Variants in RIOK3 observed in about 807,000 individuals in gnomAD.
RIOK3 encodes the protein RIO kinase 3.
In RIOK3, 40 loss-of-function variants were observed where a neutral mutation model predicts 63.5. The ratio of observed to expected loss-of-function variants is 0.63; its 90% confidence interval spans 0.49 to 0.82. The LOEUF (loss-of-function observed/expected upper bound fraction) is 0.82, where lower values mean the gene tolerates loss of function less well. Ranked by LOEUF, RIOK3 falls within the 40% of genes least tolerant of loss-of-function variation. The pLI, the probability that RIOK3 is intolerant of heterozygous loss-of-function variation, is 0.00. For synonymous variants in RIOK3, 193 were observed against 205.0 expected (o/e 0.94, Z 0.50); for missense variants, 557 against 637.0 (o/e 0.87, Z 1.35).
intron 1 of RIOK3, among the ~76,000 whole-genome samples, chr18:23,459,943 C>T (rs2057364011): frequency 6.6e-6 from 1 of 152,206 alleles, no homozygotes; most frequent in Non-Finnish European, 1.5e-5. Context: ...ATTCGCCTGC[C>T]TCGGCCTCTC....
rs760617642 is a variant in RIOK3, at chr18:23,453,437, C to T, written c.-3C>T. 3.1e-6 allele frequency: 5 copies of T among 1,613,240 alleles called. No homozygotes were observed. The highest frequency in any genetic ancestry group is 1.7e-6 in the Non-Finnish European group (2 of 1,179,378). ...CTGTTCTTGTCTCTGCCTTCATTCCCGAATGGATCTGGTAGGAGTGGCATC... is the reference window on the plus strand; with the variant it reads ...CTGTTCTTGTCTCTGCCTTCATTCCTGAATGGATCTGGTAGGAGTGGCATC... On this transcript the variant is annotated 5_prime_UTR_variant, in exon 1 of 13. Transcript: ENST00000339486.
chr18:23,478,179 G>A (rs2057506295), intron 11 of RIOK3, among the ~76,000 whole-genome samples: 1 of 152,112 alleles, frequency 6.6e-6, no homozygotes. Flanking sequence ...AACAGAAGCT[G>A]GTGTGCCTGT....
chr18:23,453,553 C>A, intron 1 of RIOK3, 51 bp downstream of exon 1: 1 of 1,461,660 alleles, frequency 6.8e-7, no homozygotes, highest in South Asian at 1.1e-5. Flanking sequence ...CGGGCTGGAT[C>A]TCTCGGAAAG....
chr18:23,455,633 C>T (rs1177462405), intron 1 of RIOK3, among the ~76,000 whole-genome samples: 1 of 151,710 alleles, frequency 6.6e-6, no homozygotes, highest in African/African-American at 2.4e-5. Context: ...CCTCGTGATC[C>T]GCCCACCTTG....
rs1598819541 is a variant in RIOK3 at position 23,481,379 on chromosome 18, G to A, written c.*100G>A. On this transcript the variant is annotated 3_prime_UTR_variant, in exon 13 of 13. Transcript: ENST00000339486. The stretch of plus-strand genomic sequence containing the variant: ...CTTGAAATACCAAAACCTGAGGAGT[G>A]GGCAATGGTGCTTCTGTGCTTTTCC... The A allele has an allele frequency of 1.5e-6, 1 of 685,570 alleles. No individual in the cohort carries two copies. Among genetic ancestry groups the A allele is most frequent in the East Asian group, 2.9e-5 (1 of 34,796 alleles). 42.5% of individuals were successfully genotyped at this position (685,570 alleles called of 1,614,324 possible).
At position 23,466,291 on chromosome 18, in the gene RIOK3, A is replaced by T. The variant is rs77839268; in HGVS notation, c.687+15A>T. 7.4e-7 allele frequency: 1 copy of T among 1,345,538 alleles called. No individual in the cohort carries two copies. Among genetic ancestry groups the T allele is most frequent in the Non-Finnish European group, 1.0e-6 (1 of 996,028 alleles). The allele number at this position is 1,345,538 out of a possible 1,614,324, so 83.3% of individuals were successfully genotyped here. A position where few individuals can be genotyped will look rare whatever the true frequency, so the allele number is the denominator to read the frequency against. On this transcript the variant is annotated intron_variant, in intron 6 of 12. Transcript: ENST00000339486. ...ATTCTACAGCAGTAAGGATTTATAGATTTTTTTTTTTCTTTTTTACTAGAA... is the reference window on the plus strand; with the variant it reads ...ATTCTACAGCAGTAAGGATTTATAGTTTTTTTTTTTTCTTTTTTACTAGAA...
intron 12 of RIOK3, among the ~76,000 whole-genome samples, chr18:23,480,663 A>T (rs980405223): frequency 4.7e-4 from 72 of 152,216 alleles, no homozygotes; most frequent in African/African-American, 1.7e-3. Flanking sequence ...TTACTGGCTC[A>T]GCCAGGCATG....
chr18:23,469,316 T>TCC, intron 7 of RIOK3, among the ~76,000 whole-genome samples: 1 of 27,074 alleles, frequency 3.7e-5, no homozygotes, highest in Non-Finnish European at 6.8e-5. Context: ...TCTCTCTCTC[T>TCC]CTCTCTCTCT....
intron 7 of RIOK3, among the ~76,000 whole-genome samples, chr18:23,467,761 CGT>C: frequency 6.9e-6 from 1 of 144,918 alleles, no homozygotes; most frequent in African/African-American, 2.7e-5. Flanking sequence ...TTTTTCAATG[CGT>C]ATATTATTAT....
At chr18:23,479,241 G>A (rs993920747) in intron 11 of RIOK3, 76 bp from the exon 12 acceptor site, 14 of 873,150 alleles carry the variant, frequency 1.6e-5, no homozygotes, top group Admixed American at 5.5e-5. Context: ...TTTTATAAAT[G>A]TGCTGCTCCC....
At chr18:23,466,583 G>C (rs1432083479) in intron 6 of RIOK3, among the ~76,000 whole-genome samples, 2 of 151,484 alleles carry the variant, frequency 1.3e-5, no homozygotes, top group Non-Finnish European at 2.9e-5. Flanking sequence ...CCAGCTACCC[G>C]GGGGGCTGAG....
chr18:23,474,721 C>G (rs2057477645), intron 8 of RIOK3, among the ~76,000 whole-genome samples: 1 of 152,146 alleles, frequency 6.6e-6, no homozygotes, highest in Non-Finnish European at 1.5e-5. Flanking sequence ...TAGCTCCTAC[C>G]CATACCTCTG....
intron 11 of RIOK3, among the ~76,000 whole-genome samples, chr18:23,478,606 C>T (rs1289591568): frequency 3.1e-5 from 4 of 130,890 alleles, no homozygotes; most frequent in Non-Finnish European, 4.7e-5. Context: ...AAAAACAAAA[C>T]ATATATATAT....
chr18:23,467,526 G>A lies in RIOK3; in HGVS notation c.815G>A (p.Ser272Asn), dbSNP rs2057417776. 1 of 1,610,894 alleles carries A rather than the reference G, an allele frequency of 6.2e-7. No homozygotes were observed. Among genetic ancestry groups the A allele is most frequent in the Non-Finnish European group, 8.5e-7 (1 of 1,178,268 alleles). ...ESVVFHAYGG[S>N]MEDEKEDSKV... ...GTTGTCTTTCATGCATATGGAGGGA[G>A]GTAAATGAGCAAAATATGATACCAT... is the stretch of plus-strand genomic sequence containing the variant. Residue 272 changes from serine (S) to asparagine (N), a missense_variant and splice_region_variant, in exon 7 of 13, where the codon AGC (serine) becomes AAC (asparagine). Coordinates refer to ENST00000339486, the MANE Select transcript of RIOK3 (RefSeq NM_003831.5).
In RIOK3 at chr18:23,479,743, A is replaced by G. The variant is rs543736186; in HGVS notation, c.1452+319A>G. ...AGGTGTGTGCCACCATGCTTGGCTA[A>G]TTTTTGTATTTTTGGTAGAGACAGG... On this transcript the variant is annotated intron_variant, in intron 12 of 12. Transcript: ENST00000339486. Among the ~76,000 whole-genome samples the G allele has an allele frequency of 5.9e-5, 9 of 151,890 alleles. No individual in the cohort carries two copies. The East Asian group carries it at 1.6e-3, about 26-fold the overall frequency.
chr18:23,463,048 G>C lies in RIOK3; in HGVS notation c.148G>C (p.Glu50Gln), dbSNP rs773807572. The C allele has an allele frequency of 5.6e-6, 9 of 1,609,470 alleles. No homozygotes were observed. In the East Asian group the frequency reaches 2.0e-4, roughly 36 times the overall value. The change falls in exon 2 of 13, where the codon GAA becomes CAA. Residue 50 changes from glutamate (E) to glutamine (Q), a missense_variant. Coordinates refer to ENST00000339486, the MANE Select transcript of RIOK3 (RefSeq NM_003831.5). ...SEQLAKELQL[E>Q]EEAAVFPEVA... ...ACAGCTGGCCAAAGAATTGCAGTTA[G>C]AAGAAGAAGCTGCCGTTTTTCCTGA...
intron 12 of RIOK3, among the ~76,000 whole-genome samples, chr18:23,480,555 G>GCA (rs59552026): frequency 0.025 from 3,610 of 142,056 alleles, 60 homozygotes; most frequent in East Asian, 0.038. Flanking sequence ...TTGGATGCAC[G>GCA]CACACACACA....
At chr18:23,480,471 G>A (rs982685063) in intron 12 of RIOK3, among the ~76,000 whole-genome samples, 6 of 151,626 alleles carry the variant, frequency 4.0e-5, no homozygotes, top group Middle Eastern at 3.4e-3. Context: ...TTGCTAGCTG[G>A]ATAAAGATAG....
At chr18:23,466,892 C>T (rs992155903) in intron 6 of RIOK3, among the ~76,000 whole-genome samples, 1 of 151,568 alleles carries the variant, frequency 6.6e-6, no homozygotes, top group African/African-American at 2.4e-5. Context: ...GTCCCAGCTG[C>T]TCAGGAGGCT....
Sources: allele counts gnomAD v4.1 joint callset (sites outside exome capture counted in the v4.1 genomes callset), GRCh38; gene constraint gnomAD v4.1.1; transcripts MANE v1.5; gene names NCBI Gene and HGNC (gene_info 2026-07-23, HGNC 2026-07-21).